The following HIVEP3 variants were observed in gnomAD, a reference collection of about 807,000 sequenced individuals.
HIVEP3 encodes the protein HIVEP zinc finger 3.
A neutral mutation model predicts 152.8 loss-of-function variants in HIVEP3; 49 were observed. That is an observed-to-expected ratio of 0.32 (90% confidence interval 0.26 to 0.41). The LOEUF is 0.41. Among genes scored for constraint, HIVEP3 ranks in the 10% least tolerant of loss-of-function variants. HIVEP3 has a pLI of 1.00. For synonymous variants in HIVEP3, 1,269 were observed against 1,289.0 expected (o/e 0.98, Z 0.33); for missense variants, 2,790 against 3,103.3 (o/e 0.90, Z 2.40).
At chr1:41,668,564 A>T (rs1338754710) in intron 2 of HIVEP3, among the ~76,000 whole-genome samples, 2 of 152,210 alleles carry the variant, frequency 1.3e-5, no homozygotes, top group Non-Finnish European at 2.9e-5. Flanking sequence ...GTCCGTAAAC[A>T]TAATGTGAAT....
At chr1:41,771,284 C>T (rs1259513575) in intron 1 of HIVEP3, among the ~76,000 whole-genome samples, 4 of 151,654 alleles carry the variant, frequency 2.6e-5, no homozygotes, top group Admixed American at 2.0e-4. Flanking sequence ...CTCCCCACCT[C>T]CCCCCACCCC....
chr1:41,786,319 T>C (rs1231294358), intron 1 of HIVEP3, among the ~76,000 whole-genome samples: 1 of 152,052 alleles, frequency 6.6e-6, no homozygotes, highest in Non-Finnish European at 1.5e-5. Context: ...TAGAGATGAG[T>C]TTCTTGTCTT....
At chr1:41,681,868 C>T (rs1000988781) in intron 2 of HIVEP3, among the ~76,000 whole-genome samples, 8 of 152,198 alleles carry the variant, frequency 5.3e-5, no homozygotes, top group African/African-American at 1.9e-4. Context: ...TGACTATGTG[C>T]AAATTCCGAT....
At chr1:41,870,767 T>C (rs933315753) in intron 1 of HIVEP3, among the ~76,000 whole-genome samples, 3 of 152,188 alleles carry the variant, frequency 2.0e-5, no homozygotes, top group African/African-American at 7.2e-5. Context: ...GCAGGTGTTA[T>C]CCTGGGACTG....
chr1:41,527,603 T>C (rs11210382), intron 5 of HIVEP3, among the ~76,000 whole-genome samples: 110,187 of 112,240 alleles, frequency 0.98, 54,076 homozygotes, highest in East Asian at 1. Flanking sequence ...CTCATTCGCA[T>C]ACTCTACTCC....
At chr1:41,658,048 G>A (rs1645655659) in intron 2 of HIVEP3, among the ~76,000 whole-genome samples, 1 of 152,166 alleles carries the variant, frequency 6.6e-6, no homozygotes, top group Non-Finnish European at 1.5e-5. Context: ...AAAGCCCTCA[G>A]GTGACAGCAC....
chr1:41,730,661 A>C (rs1005645144), intron 1 of HIVEP3, among the ~76,000 whole-genome samples: 3 of 152,232 alleles, frequency 2.0e-5, no homozygotes. Flanking sequence ...TTAATAATGC[A>C]TGGGCAGCCG....
At chr1:41,854,100 A>G (rs1038487738) in intron 1 of HIVEP3, among the ~76,000 whole-genome samples, 5 of 152,072 alleles carry the variant, frequency 3.3e-5, no homozygotes, top group South Asian at 2.1e-4. Context: ...ATGGAGGCAG[A>G]TCGGCTTTCT....
intron 1 of HIVEP3, among the ~76,000 whole-genome samples, chr1:41,793,637 CAT>C (rs899017131): frequency 3.2e-4 from 48 of 152,076 alleles, no homozygotes; most frequent in African/African-American, 9.9e-4. Flanking sequence ...AGAAAAAAAA[CAT>C]GTGATGAAAT....
chr1:41,574,437 A>T (rs1414338992), intron 5 of HIVEP3, among the ~76,000 whole-genome samples: 1 of 152,122 alleles, frequency 6.6e-6, no homozygotes, highest in Non-Finnish European at 1.5e-5. Flanking sequence ...CCCCCTTCCC[A>T]TCATTGACTA....
intron 1 of HIVEP3, among the ~76,000 whole-genome samples, chr1:41,800,509 C>A (rs1348128967): frequency 6.6e-6 from 1 of 152,230 alleles, no homozygotes; most frequent in Non-Finnish European, 1.5e-5. Flanking sequence ...CAGCTCAGCC[C>A]CACCACCAGC....
At chr1:41,523,933 C>T (rs1159348444) in intron 6 of HIVEP3, among the ~76,000 whole-genome samples, 1 of 152,234 alleles carries the variant, frequency 6.6e-6, no homozygotes, top group South Asian at 2.1e-4. Flanking sequence ...CTGCCAGGAC[C>T]TTCCCTGCCT....
At chr1:41,814,058 T>C (rs1479549307) in intron 1 of HIVEP3, among the ~76,000 whole-genome samples, 1 of 152,204 alleles carries the variant, frequency 6.6e-6, no homozygotes, top group Non-Finnish European at 1.5e-5. Flanking sequence ...CTTCATCTCC[T>C]GATGGTCTTG....
At chr1:41,541,024 C>T (rs182934268) in intron 5 of HIVEP3, among the ~76,000 whole-genome samples, 39 of 152,224 alleles carry the variant, frequency 2.6e-4, no homozygotes, top group Non-Finnish European at 4.0e-4. Context: ...GGTGTGGTCA[C>T]GGCTCAGAGG....
intron 1 of HIVEP3, among the ~76,000 whole-genome samples, chr1:41,828,212 C>A (rs933310899): frequency 1.3e-5 from 2 of 152,168 alleles, no homozygotes; most frequent in Non-Finnish European, 2.9e-5. Context: ...AAGGTCACAG[C>A]CCTGGGTGGC....
rs12732519 is a variant in HIVEP3 at position 41,598,904 on chromosome 1, C to T, written c.-521-13586G>A. Among the ~76,000 whole-genome samples the T allele has an allele frequency of 4.6e-5, 7 of 152,020 alleles. No individual in the cohort carries two copies. In the South Asian group the frequency reaches 8.3e-4, roughly 18 times the overall value. Reference sequence around the variant, plus strand: ...AATTTCAGCTCACTGCAACCTCCACCTCCTGGGCTCAGGTGATTCTCCCAC... The same window carrying T: ...AATTTCAGCTCACTGCAACCTCCACTTCCTGGGCTCAGGTGATTCTCCCAC... On this transcript the variant is annotated intron_variant, in intron 3 of 8. Transcript: ENST00000372583.
intron 5 of HIVEP3, among the ~76,000 whole-genome samples, chr1:41,574,611 G>A (rs527884656): frequency 1.3e-5 from 2 of 152,300 alleles, no homozygotes; most frequent in East Asian, 1.9e-4. Flanking sequence ...TGAGTTAGGC[G>A]CTTGCAGGTG....
intron 1 of HIVEP3, among the ~76,000 whole-genome samples, chr1:41,854,537 T>A (rs1182248679): frequency 2.0e-5 from 3 of 148,486 alleles, no homozygotes; most frequent in South Asian, 2.1e-4. Context: ...TTTTTTTTTT[T>A]TTATACTCTA....
chr1:41,584,696 G>A lies in HIVEP3; in HGVS notation c.102C>T (p.Ser34=), dbSNP rs372451857. ...GEAIQTSVSS[S]VPYPGSGTAA... is the part of the protein sequence containing the mutation. ...CTGTGCCGCTGCCTGGGTATGGGAC[G>A]CTGGAAGAAACACTGGTCTGAATGG... Residue 34 remains serine (S), a synonymous_variant, in exon 4 of 9, where the codon AGC becomes AGT. Coordinates refer to ENST00000372583, the MANE Select transcript of HIVEP3 (RefSeq NM_024503.5). This position sits in a 1 kb window ranked among gnomAD's most constrained non-coding sequence, Gnocchi z 5.2. 7.0e-6 allele frequency: 11 copies of A among 1,564,086 alleles called. No individual in the cohort carries two copies. The highest frequency in any genetic ancestry group is 1.7e-4 in the Middle Eastern group (1 of 5,790).
Sources: allele counts gnomAD v4.1 joint callset (sites outside exome capture counted in the v4.1 genomes callset), GRCh38; gene constraint gnomAD v4.1.1; non-coding constraint Gnocchi (gnomAD v3.1); transcripts MANE v1.5; gene names NCBI Gene and HGNC (gene_info 2026-07-23, HGNC 2026-07-21).